Variants in AOPEP observed in about 807,000 individuals in gnomAD.
The protein encoded by AOPEP is aminopeptidase O.
Under a neutral mutation model 98.1 loss-of-function variants are expected in AOPEP, and 77 were observed. The ratio of observed to expected loss-of-function variants is 0.78; its 90% CI spans 0.65 to 0.95. The LOEUF is 0.95. Ranked by LOEUF, AOPEP falls within the 40% of genes least tolerant of loss-of-function variation. AOPEP has a pLI of 0.00. For synonymous variants in AOPEP, 346 were observed against 365.3 expected (o/e 0.95, Z 0.60); for missense variants, 1,024 against 1,024.7 (o/e 1.00, Z 0.01).
intron 7 of AOPEP, among the ~76,000 whole-genome samples, chr9:94,944,192 G>T (rs545800809): frequency 8.3e-4 from 127 of 152,258 alleles, no homozygotes; most frequent in Middle Eastern, 6.8e-3. Flanking sequence ...ACAGCCTGGT[G>T]GTTCCTCAAA....
the AOPEP span, among the ~76,000 whole-genome samples, chr9:95,135,860 C>T: frequency 1.1e-4 from 16 of 152,324 alleles, no homozygotes; most frequent in Non-Finnish European, 2.4e-4. Context: ...TGTTCAAACA[C>T]GCGTAATCAT....
intron 5 of AOPEP, among the ~76,000 whole-genome samples, chr9:94,909,346 T>TAAAA (rs3052031): frequency 6.2e-4 from 51 of 81,978 alleles, no homozygotes; most frequent in East Asian, 2.2e-3. Flanking sequence ...TTTGGAGCCT[T>TAAAA]AAAAAAAAAA....
chr9:95,145,911 G>A, the AOPEP span, among the ~76,000 whole-genome samples: 8 of 151,980 alleles, frequency 5.3e-5, no homozygotes, highest in African/African-American at 1.9e-4. Flanking sequence ...GGGATTGAAA[G>A]AGACTTAAAA....
At chr9:95,047,053 T>G (rs183385221) in intron 13 of AOPEP, among the ~76,000 whole-genome samples, 2 of 152,372 alleles carry the variant, frequency 1.3e-5, no homozygotes, top group African/African-American at 4.8e-5. Context: ...CATGGCATTT[T>G]GTAAGAAAAT....
intron 3 of AOPEP, among the ~76,000 whole-genome samples, chr9:94,791,503 CAAA>C (rs34364751): frequency 7.3e-6 from 1 of 136,940 alleles, no homozygotes. Context: ...ACCTGTCTCT[CAAA>C]AAAAAAAAAA....
At chr9:95,036,702 C>CTTCTTTTTTTTT (rs142297044) in intron 13 of AOPEP, among the ~76,000 whole-genome samples, 6 of 135,820 alleles carry the variant, frequency 4.4e-5, no homozygotes, top group Admixed American at 7.8e-5. Flanking sequence ...TCTTCTTCTT[C>CTTCTTTTTTTTT]TTTTTTTTTT....
Position 94,760,563 on chromosome 9 carries a change from C to T in AOPEP, c.780C>T (p.Thr260=), listed in dbSNP as rs768912234. 1.6e-5 allele frequency: 24 copies of T among 1,544,472 alleles called. 1 individual carries two copies. In the East Asian group the frequency reaches 4.7e-4, roughly 30 times the overall value. ...TKPEGRSVTW[T]SDQSGRPCVY... ...CTGAAGGGCGATCGGTTACATGGAC[C>T]TCAGACCAGAGTGGCAGGTAGGTTA... is the stretch of plus-strand genomic sequence containing the variant. The change falls in exon 2 of 17, where the codon ACC becomes ACT. Residue 260 remains threonine, a synonymous_variant. Coordinates refer to ENST00000375315, the MANE Select transcript of AOPEP (RefSeq NM_001193329.3).
chr9:94,824,676 A>T (rs1453930191), intron 5 of AOPEP: 1 of 152,224 alleles, frequency 6.6e-6, no homozygotes, highest in African/African-American at 2.4e-5. Flanking sequence ...GAGCAAGAGA[A>T]TGAAACTCCT....
At chr9:95,028,321 A>G (rs560395340) in intron 13 of AOPEP, among the ~76,000 whole-genome samples, 2 of 152,316 alleles carry the variant, frequency 1.3e-5, no homozygotes, top group East Asian at 3.9e-4. Flanking sequence ...CGTGGGAGTG[A>G]TGTGGGTGCT....
chr9:95,123,670 C>T, the AOPEP span: 5 of 649,814 alleles, frequency 7.7e-6, no homozygotes, highest in South Asian at 1.4e-5. Context: ...CTGCAGCAGT[C>T]AGGGACATTT....
chr9:95,081,995 T>C (rs1434315676), intron 15 of AOPEP, among the ~76,000 whole-genome samples: 1 of 152,054 alleles, frequency 6.6e-6, no homozygotes, highest in African/African-American at 2.4e-5. Flanking sequence ...TTTGCGGCAT[T>C]GTTCCCAAGC....
At chr9:94,873,378 C>A (rs2046566092) in intron 5 of AOPEP, among the ~76,000 whole-genome samples, 1 of 152,166 alleles carries the variant, frequency 6.6e-6, no homozygotes, top group African/African-American at 2.4e-5. Flanking sequence ...ATTTGAAAGT[C>A]CTGATTCCAG....
chr9:95,086,586 T>C (rs1391531157), intron 16 of AOPEP, 96 bp from the exon 17 acceptor site: 23 of 991,934 alleles, frequency 2.3e-5, no homozygotes, highest in Non-Finnish European at 6.0e-6. Context: ...TAAAGTCCTC[T>C]CTTGAAAGTG....
chr9:94,959,234 A>G (rs189634321), intron 9 of AOPEP, among the ~76,000 whole-genome samples: 4,310 of 152,044 alleles, frequency 0.028, 223 homozygotes, highest in African/African-American at 0.099. Context: ...TAGTAGAGAC[A>G]GGGTTTCACC....
rs372521359 is a variant in AOPEP, at chr9:94,947,233, G to A, written c.1662-7944G>A. ...CCTGACCTCGTGATCCACCCGCCTC[G>A]GCCTCCCAAAGTGCTGGGATTACAG... On this transcript the variant is annotated intron_variant, in intron 7 of 16. Transcript: ENST00000375315. Among the ~76,000 whole-genome samples, 95 of 151,328 alleles carry A rather than the reference G, an allele frequency of 6.3e-4. No homozygotes were observed. The East Asian group carries it at 0.013, about 21-fold the overall frequency.
At chr9:94,728,792 C>A (rs1039970819) in intron 1 of AOPEP, among the ~76,000 whole-genome samples, 1 of 152,182 alleles carries the variant, frequency 6.6e-6, no homozygotes, top group African/African-American at 2.4e-5. Context: ...TTCTTCCACT[C>A]TCCTGGGAGG....
At chr9:95,126,917 T>G in the AOPEP span, 1 of 326,234 alleles carries the variant, frequency 3.1e-6, no homozygotes, top group Non-Finnish European at 5.9e-6. Context: ...GGAGCCTGCC[T>G]GTACTGCCAG....
At chr9:94,968,716 T>C (rs1429889928) in intron 10 of AOPEP, among the ~76,000 whole-genome samples, 1 of 152,250 alleles carries the variant, frequency 6.6e-6, no homozygotes, top group Non-Finnish European at 1.5e-5. Flanking sequence ...TTTTTTAACC[T>C]ATCAGGGTTT....
chr9:95,096,092 G>A, the AOPEP span, among the ~76,000 whole-genome samples: 2 of 152,154 alleles, frequency 1.3e-5, no homozygotes, highest in African/African-American at 4.8e-5. Context: ...AGAACACACA[G>A]ATCCCAGAAC....
Sources: gnomAD v4.1 joint callset for allele counts (sites outside exome capture counted in the v4.1 genomes callset) on GRCh38, gnomAD v4.1.1 for gene constraint, MANE v1.5 for transcripts, NCBI Gene and HGNC (gene_info 2026-07-23, HGNC 2026-07-21) for gene names.